Variants in CRYZL1 observed in about 807,000 individuals in gnomAD.
CRYZL1 encodes the protein crystallin zeta like 1, also known as ferry endosomal RAB5 effector complex subunit 4.
CRYZL1 carries 34 observed loss-of-function variants against 50.6 expected under a neutral mutation model. The observed-to-expected ratio is 0.67, with a 90% CI of 0.51 to 0.89. The LOEUF (loss-of-function observed/expected upper bound fraction) is 0.89. Ranked by LOEUF, CRYZL1 falls within the 40% of genes least tolerant of loss-of-function variation. The pLI is 0.00. For synonymous variants in CRYZL1, 125 were observed against 134.3 expected, an observed-to-expected ratio of 0.93 and a Z score of 0.48; for missense variants, 354 against 402.3, an observed-to-expected ratio of 0.88 and a Z score of 1.03.
chr21:33,641,544 G>T (rs1319335637), intron 1 of CRYZL1, 137 bp downstream of exon 1: 3 of 425,552 alleles, frequency 7.0e-6, no homozygotes, highest in Non-Finnish European at 1.2e-5. Flanking sequence ...GCTAGGCCTG[G>T]GCCCGAACAA....
At chr21:33,603,657 C>G in intron 6 of CRYZL1, 120 bp from the exon 7 acceptor site, 1 of 985,924 alleles carries the variant, frequency 1.0e-6, no homozygotes, top group Non-Finnish European at 1.5e-6. Flanking sequence ...TACTCCCATT[C>G]TCTCTCACCT....
At chr21:33,611,974 T>C (rs2086877416) in intron 6 of CRYZL1, among the ~76,000 whole-genome samples, 1 of 152,262 alleles carries the variant, frequency 6.6e-6, no homozygotes, top group Non-Finnish European at 1.5e-5. Context: ...TGTTTAGCTC[T>C]TACTCATTTT....
intron 1 of CRYZL1, among the ~76,000 whole-genome samples, chr21:33,634,613 AAAC>A (rs1243246007): frequency 6.6e-6 from 1 of 151,938 alleles, no homozygotes; most frequent in Non-Finnish European, 1.5e-5. Context: ...ATAAAAAAAA[AAAC>A]AACTCTGTTC....
At chr21:33,632,518 C>T (rs1482087863) in intron 1 of CRYZL1, among the ~76,000 whole-genome samples, 1 of 151,708 alleles carries the variant, frequency 6.6e-6, no homozygotes, top group Non-Finnish European at 1.5e-5. Context: ...GCTGGGATTA[C>T]AGGCACGCGC....
At chr21:33,592,403 C>CACTT (rs2086653023) in intron 11 of CRYZL1, among the ~76,000 whole-genome samples, 5 of 152,020 alleles carry the variant, frequency 3.3e-5, no homozygotes, top group African/African-American at 1.2e-4. Context: ...TCCCAAAGTG[C>CACTT]TGGGATTACA....
intron 4 of CRYZL1, 47 bp downstream of exon 4, chr21:33,621,949 C>CT (rs1168551641): frequency 2.2e-6 from 3 of 1,374,448 alleles, no homozygotes; most frequent in Non-Finnish European, 3.1e-6. Context: ...CATTTAATCT[C>CT]TTTTACCTTA....
intron 3 of CRYZL1, 129 bp downstream of exon 3, chr21:33,624,554 A>T (rs2087038276): frequency 4.9e-6 from 7 of 1,426,506 alleles, no homozygotes; most frequent in Admixed American, 5.5e-5. Flanking sequence ...CGTCTCAAAT[A>T]AAAAAATTAA....
Position 33,593,137 on chromosome 21 carries a change from C to T in CRYZL1, c.905-1930G>A, listed in dbSNP as rs192808030. Among the ~76,000 whole-genome samples the T allele has an allele frequency of 2.9e-4, 44 of 151,944 alleles. No homozygotes were observed. In the East Asian group the frequency reaches 3.7e-3, roughly 13 times the overall value. On this transcript the variant is annotated intron_variant, in intron 11 of 12. Coordinates refer to ENST00000381554, the MANE Select transcript of CRYZL1 (RefSeq NM_145858.3). ...TTTCTTTTTTTTTGAGACGGAGTCT[C>T]GCTATGTTGCCCAGGCTGGAGTGCA...
intron 5 of CRYZL1, chr21:33,616,486 T>G (rs769644465): frequency 2.3e-5 from 14 of 612,834 alleles, no homozygotes; most frequent in Non-Finnish European, 3.6e-5. Flanking sequence ...GAGACGAGGT[T>G]TCTCCATGTT....
intron 11 of CRYZL1, among the ~76,000 whole-genome samples, chr21:33,594,100 G>C (rs544989892): frequency 6.7e-6 from 1 of 148,514 alleles, no homozygotes; most frequent in East Asian, 2.0e-4. Context: ...ATTCTCCACT[G>C]TAGCATCATT....
chr21:33,622,250 A>T (rs1340943717), intron 3 of CRYZL1, among the ~76,000 whole-genome samples, 182 bp from the exon 4 acceptor site: 1 of 152,244 alleles, frequency 6.6e-6, no homozygotes, highest in African/African-American at 2.4e-5. Flanking sequence ...GGAAACCAAG[A>T]ATTTACTGAG....
chr21:33,638,504 C>A (rs568884336), intron 1 of CRYZL1, among the ~76,000 whole-genome samples: 1 of 152,330 alleles, frequency 6.6e-6, no homozygotes, highest in South Asian at 2.1e-4. Context: ...TGAGCCACTG[C>A]ACTTGGCCTG....
At chr21:33,621,840 AAAAAATAAAAAT>A (rs1044074602) in intron 4 of CRYZL1, among the ~76,000 whole-genome samples, 144 bp downstream of exon 4, 1 of 152,160 alleles carries the variant, frequency 6.6e-6, no homozygotes, top group Non-Finnish European at 1.5e-5. Flanking sequence ...CTTGTCTCTC[AAAAAATAAAAAT>A]AAAAATAAAA....
intron 9 of CRYZL1, 64 bp downstream of exon 9, chr21:33,599,086 T>G: frequency 6.7e-7 from 1 of 1,496,684 alleles, no homozygotes; most frequent in Admixed American, 2.0e-5. Flanking sequence ...CTGGTTAAAT[T>G]TTTTTTCTTA....
At chr21:33,604,355 CAAA>C (rs71194858) in intron 6 of CRYZL1, among the ~76,000 whole-genome samples, 1 of 69,622 alleles carries the variant, frequency 1.4e-5, no homozygotes, top group Non-Finnish European at 2.5e-5. Context: ...GACTCCGTCT[CAAA>C]AAAAAAAAAA....
Position 33,622,082 on chromosome 21 carries a change from A to T in CRYZL1, c.145-14T>A. The T allele has an allele frequency of 1.9e-6, 3 of 1,605,972 alleles. No homozygotes were observed. The highest frequency in any genetic ancestry group is 2.6e-6 in the Non-Finnish European group (3 of 1,173,300). On this transcript the variant is annotated splice_polypyrimidine_tract_variant and intron_variant, in intron 3 of 12. Coordinates refer to ENST00000381554, the MANE Select transcript of CRYZL1 (RefSeq NM_145858.3). ...TTCTGCCAGAAGCTAAATCATGACAAAGGCAGTTAACATACTATTGTCAGA... is the reference window on the plus strand; with the variant it reads ...TTCTGCCAGAAGCTAAATCATGACATAGGCAGTTAACATACTATTGTCAGA...
chr21:33,596,811 T>C (rs2086698914), intron 10 of CRYZL1, among the ~76,000 whole-genome samples: 1 of 151,390 alleles, frequency 6.6e-6, no homozygotes. Flanking sequence ...TTCTTTCTGA[T>C]ATAAAATATG....
Position 33,610,741 on chromosome 21 carries a change from T to TC in CRYZL1, c.331+2796_331+2797insG, listed in dbSNP as rs1393083816. The stretch of plus-strand genomic sequence containing the variant: ...CTTGTTTGGTTGTTTTTTTTTTTTT[T>TC]TTTTTTTTTTGAGACAGAGTCTTAC... On this transcript the variant is annotated intron_variant, in intron 6 of 12. Coordinates refer to ENST00000381554, the MANE Select transcript of CRYZL1 (RefSeq NM_145858.3). Among the ~76,000 whole-genome samples, 215 of 145,042 alleles carry TC rather than the reference T, an allele frequency of 1.5e-3. 1 individual carries two copies. The highest frequency in any genetic ancestry group is 4.9e-3 in the African/African-American group (192 of 39,266).
intron 10 of CRYZL1, chr21:33,596,313 T>C: frequency 5.8e-6 from 2 of 343,088 alleles, no homozygotes; most frequent in South Asian, 2.2e-5. Context: ...ATGTCAACAA[T>C]GTCACCGAGA....
Sources: allele counts gnomAD v4.1 joint callset (sites outside exome capture counted in the v4.1 genomes callset), GRCh38; gene constraint gnomAD v4.1.1; transcripts MANE v1.5; gene names NCBI Gene and HGNC (gene_info 2026-07-23, HGNC 2026-07-21).